SCGB1D4: variants seen among roughly 807,000 people sequenced by gnomAD.
SCGB1D4 encodes secretoglobin family 1D member 4.
A neutral mutation model predicts 8.1 loss-of-function variants in SCGB1D4; 6 were observed. That is an observed-to-expected ratio of 0.74 (90% CI 0.40 to 1.45). SCGB1D4 has a LOEUF of 1.45. Ranked by LOEUF, SCGB1D4 falls within the 40% of genes most tolerant of loss-of-function variation. SCGB1D4 has a pLI of 0.02. For synonymous variants in SCGB1D4, 34 were observed against 38.1 expected, an observed-to-expected ratio of 0.89 and a Z score of 0.39; for missense variants, 93 against 95.0, an observed-to-expected ratio of 0.98 and a Z score of 0.09.
At chr11:62,296,456 A>C in intron 2 of SCGB1D4, 37 bp from the exon 3 acceptor site, 1 of 1,600,056 alleles carries the variant, frequency 6.2e-7, no homozygotes, top group Non-Finnish European at 8.5e-7. Flanking sequence ...AAGAAAGGTG[A>C]GGTCAGTCAT....
intron 1 of SCGB1D4, 90 bp from the exon 2 acceptor site, chr11:62,297,748 G>T (rs1024606969): frequency 9.5e-7 from 1 of 1,053,158 alleles, no homozygotes; most frequent in African/African-American, 1.6e-5. Flanking sequence ...AGGATCCCCT[G>T]GGTTCTATGT....
In SCGB1D4 at chr11:62,296,322, T is replaced by C. The variant is rs374470037; in HGVS notation, c.*88A>G. On this transcript the variant is annotated 3_prime_UTR_variant, in exon 3 of 3. Coordinates refer to ENST00000358585, the MANE Select transcript of SCGB1D4 (RefSeq NM_206998.2). ...TATTAAAGCAACGTGTTGAAACCTT[T>C]ACAATTTTTAGTGAAGATCAGGGTG... 37 of 1,193,000 alleles carry C rather than the reference T, an allele frequency of 3.1e-5. No homozygotes were observed. In the African/African-American group the frequency reaches 5.0e-4, roughly 16 times the overall value. The allele number at this position is 1,193,000 out of a possible 1,614,324, so 73.9% of individuals were successfully genotyped here. A position where few individuals can be genotyped will look rare whatever the true frequency, so the allele number is the denominator to read the frequency against.
intron 1 of SCGB1D4, among the ~76,000 whole-genome samples, chr11:62,298,024 G>A (rs1352927228): frequency 1.2e-4 from 17 of 146,904 alleles, no homozygotes; most frequent in African/African-American, 4.3e-4. Context: ...GTGTGTGTGT[G>A]TGTGTGTGTG....
Position 62,299,057 on chromosome 11 carries a change from G to A in SCGB1D4, c.-47C>T. On this transcript the variant is annotated 5_prime_UTR_variant, in exon 1 of 3. Coordinates refer to ENST00000358585, the MANE Select transcript of SCGB1D4 (RefSeq NM_206998.2). Reference sequence around the variant, plus strand: ...CTCAGCTTTCACAATGAGTGATTTGGATTCGACTCCAGGAGCCTGTGTAGT... The same window carrying A: ...CTCAGCTTTCACAATGAGTGATTTGAATTCGACTCCAGGAGCCTGTGTAGT... 6.3e-7 allele frequency: 1 copy of A among 1,597,578 alleles called. No homozygotes were observed. The highest frequency in any genetic ancestry group is 8.6e-7 in the Non-Finnish European group (1 of 1,168,300).
Position 62,298,046 on chromosome 11 carries a change from G to GTTTT in SCGB1D4, c.56-392_56-389dup, listed in dbSNP as rs1289799082. ...TGTGTGTGTGTGTGTGTGTGTGTGTGTTTTGTTTTGTTTTTTTTTTTTGTA... is the reference window on the plus strand; with the variant it reads ...TGTGTGTGTGTGTGTGTGTGTGTGTGTTTTTTTTGTTTTGTTTTTTTTTTTTGTA... On this transcript the variant is annotated intron_variant, in intron 1 of 2. Coordinates refer to ENST00000358585, the MANE Select transcript of SCGB1D4 (RefSeq NM_206998.2). Among the ~76,000 whole-genome samples the GTTTT allele has an allele frequency of 3.0e-5, 2 of 67,702 alleles. 1 individual carries two copies. 44.4% of individuals were successfully genotyped at this position (67,702 alleles called of 152,430 possible).
At chr11:62,296,496 A>AC in intron 2 of SCGB1D4, 77 bp from the exon 3 acceptor site, 1 of 1,473,062 alleles carries the variant, frequency 6.8e-7, no homozygotes, top group Non-Finnish European at 9.4e-7. Context: ...GGCTAACATC[A>AC]AAGAGGCCAA....
intron 2 of SCGB1D4, 118 bp from the exon 3 acceptor site, chr11:62,296,537 G>T (rs1945442749): frequency 1.0e-6 from 1 of 1,002,088 alleles, no homozygotes; most frequent in Non-Finnish European, 1.5e-6. Context: ...AATTGGAAAG[G>T]CAGAGGCAAG....
At chr11:62,297,263 T>C (rs1440865372) in intron 2 of SCGB1D4, among the ~76,000 whole-genome samples, 1 of 152,200 alleles carries the variant, frequency 6.6e-6, no homozygotes, top group African/African-American at 2.4e-5. Context: ...GTCCACTGCG[T>C]GAGGGTAGGT....
Position 62,296,309 on chromosome 11 carries a change from G to T in SCGB1D4, c.*101C>A. On this transcript the variant is annotated 3_prime_UTR_variant, in exon 3 of 3. Transcript: ENST00000358585. ...AGGGCAAGTGATTTATTAAAGCAACGTGTTGAAACCTTTACAATTTTTAGT... is the reference window on the plus strand; with the variant it reads ...AGGGCAAGTGATTTATTAAAGCAACTTGTTGAAACCTTTACAATTTTTAGT... The T allele has an allele frequency of 4.9e-6, 5 of 1,014,734 alleles. No homozygotes were observed. Among genetic ancestry groups the T allele is most frequent in the Non-Finnish European group, 6.3e-6 (4 of 637,182 alleles). 62.9% of individuals were successfully genotyped at this position (1,014,734 alleles called of 1,614,324 possible).
At chr11:62,297,032 C>T (rs746765631) in intron 2 of SCGB1D4, among the ~76,000 whole-genome samples, 3 of 152,246 alleles carry the variant, frequency 2.0e-5, no homozygotes, top group South Asian at 2.1e-4. Flanking sequence ...GGTAGAGCAG[C>T]GAAAAAGTCT....
rs1238339925 is a variant in SCGB1D4, at chr11:62,297,596, C to T, written c.118G>A (p.Ala40Thr). ...EITVFLFLSD[A>T]AVNLQVAKLN... is the part of the protein sequence containing the mutation. Reference sequence around the variant, plus strand: ...TTGGCAACTTGGAGGTTTACCGCAGCGTCACTTAAGAATAAGAAGACTGTG... The same window carrying T: ...TTGGCAACTTGGAGGTTTACCGCAGTGTCACTTAAGAATAAGAAGACTGTG... The change falls in exon 2 of 3, where the codon GCT becomes ACT. Residue 40 changes from alanine (A) to threonine (T), a missense_variant. Transcript: ENST00000358585. 4.3e-6 allele frequency: 7 copies of T among 1,614,074 alleles called. No individual in the cohort carries two copies. Among genetic ancestry groups the T allele is most frequent in the Admixed American group, 1.7e-5 (1 of 60,018 alleles).
At chr11:62,297,423 T>C in intron 2 of SCGB1D4, 49 bp downstream of exon 2, 1 of 1,381,512 alleles carries the variant, frequency 7.2e-7, no homozygotes, top group African/African-American at 1.4e-5. Context: ...CAGGAGGCTG[T>C]GTGCAGCTGA....
intron 1 of SCGB1D4, among the ~76,000 whole-genome samples, chr11:62,298,617 C>T (rs1270897950): frequency 1.3e-5 from 2 of 151,768 alleles, no homozygotes; most frequent in African/African-American, 4.8e-5. Flanking sequence ...AATTAGCCAG[C>T]TGTGGTGGCC....
Position 62,297,490 on chromosome 11 carries a change from A to C in SCGB1D4, c.224T>G (p.Leu75Arg), listed in dbSNP as rs754448410. 6.2e-6 allele frequency: 10 copies of C among 1,610,708 alleles called. No homozygotes were observed. In the South Asian group the frequency reaches 1.0e-4, roughly 16 times the overall value. ...AAATTACCAGGACTTTTTCAATGAG[A>C]GTCGTTTCTTAAAAGATATCTGATC... ...CTDQISFKKR[L>R]SLKKSWWK The change falls in exon 2 of 3, where the codon CTC becomes CGC. Residue 75 changes from leucine (L) to arginine (R), a missense_variant. Physicochemically the swap from Leu to Arg is moderately radical, Grantham distance 102. Transcript: ENST00000358585.
intron 1 of SCGB1D4, among the ~76,000 whole-genome samples, chr11:62,298,337 C>G (rs1945461252): frequency 6.6e-6 from 1 of 152,074 alleles, no homozygotes; most frequent in African/African-American, 2.4e-5. Flanking sequence ...CCCAGGTTCA[C>G]CCCAGACCTC....
Position 62,297,612 on chromosome 11 carries a change from G to T in SCGB1D4, c.102C>A (p.Phe34Leu). 6.2e-7 allele frequency: 1 copy of T among 1,614,048 alleles called. No individual in the cohort carries two copies. The highest frequency in any genetic ancestry group is 8.5e-7 in the Non-Finnish European group (1 of 1,180,016). ...CPAVASEITV[F>L]LFLSDAAVNL... is the part of the protein sequence containing the mutation. ...TTACCGCAGCGTCACTTAAGAATAAGAAGACTGTGATCTCAGAAGCAACAG... is the reference window on the plus strand; with the variant it reads ...TTACCGCAGCGTCACTTAAGAATAATAAGACTGTGATCTCAGAAGCAACAG... Residue 34 changes from phenylalanine to leucine, a missense_variant, in exon 2 of 3, where the codon TTC (phenylalanine) becomes TTA (leucine). Coordinates refer to ENST00000358585, the MANE Select transcript of SCGB1D4 (RefSeq NM_206998.2).
At chr11:62,296,567 A>AATTCTT in intron 2 of SCGB1D4, 148 bp from the exon 3 acceptor site, 1 of 770,792 alleles carries the variant, frequency 1.3e-6, no homozygotes, top group Non-Finnish European at 2.1e-6. Flanking sequence ...TGGGAAACTG[A>AATTCTT]GGCCTAGACC....
At chr11:62,296,751 TC>T (rs1945444169) in intron 2 of SCGB1D4, among the ~76,000 whole-genome samples, 1 of 152,090 alleles carries the variant, frequency 6.6e-6, no homozygotes, top group Non-Finnish European at 1.5e-5. Flanking sequence ...AGTCTCCTGA[TC>T]CCTGTAATGG....
chr11:62,297,447 T>C (rs746994676), intron 2 of SCGB1D4, 25 bp downstream of exon 2: 10 of 1,573,644 alleles, frequency 6.4e-6, no homozygotes, highest in African/African-American at 2.7e-5. Context: ...GAATTCTGCC[T>C]CTGCATAAAG....
Sources: allele counts gnomAD v4.1 joint callset (sites outside exome capture counted in the v4.1 genomes callset), GRCh38; gene constraint gnomAD v4.1.1; transcripts MANE v1.5; gene names NCBI Gene and HGNC (gene_info 2026-07-23, HGNC 2026-07-21).